Variants in PALLD observed in about 807,000 individuals in gnomAD.
The protein encoded by PALLD is palladin, cytoskeletal associated protein.
A neutral mutation model predicts 123.5 loss-of-function variants in PALLD; 61 were observed. That is an observed-to-expected ratio of 0.49 (90% CI 0.40 to 0.61). The LOEUF (loss-of-function observed/expected upper bound fraction) is 0.61. PALLD is among the 20% of genes least tolerant of loss of function. The probability of loss-of-function intolerance (pLI) is 0.00; values close to 1 mark genes in which losing one functional copy is unlikely to be tolerated. For synonymous variants in PALLD, 465 were observed against 496.4 expected (o/e 0.94, Z 0.84); for missense variants, 1,273 against 1,377.0 (o/e 0.92, Z 1.20).
At chr4:168,513,902 C>T (rs539701210) in intron 2 of PALLD, among the ~76,000 whole-genome samples, 29 of 152,032 alleles carry the variant, frequency 1.9e-4, no homozygotes, top group Admixed American at 3.9e-4. Context: ...GCCAGGAGTT[C>T]GAGACAAGCC....
At chr4:168,837,108 C>T (rs1441254228) in intron 10 of PALLD, among the ~76,000 whole-genome samples, 1 of 152,170 alleles carries the variant, frequency 6.6e-6, no homozygotes, top group African/African-American at 2.4e-5. Flanking sequence ...AGAGACCCCA[C>T]CCTGGACTGC....
At chr4:168,631,752 C>T in intron 2 of PALLD, 1 of 985,428 alleles carries the variant, frequency 1.0e-6, no homozygotes, top group Non-Finnish European at 1.2e-6. Context: ...TTTGGCAGCG[C>T]GGCTGCCAGT....
At chr4:168,819,259 C>G (rs1260362193) in intron 10 of PALLD, among the ~76,000 whole-genome samples, 1 of 151,798 alleles carries the variant, frequency 6.6e-6, no homozygotes, top group African/African-American at 2.4e-5. Context: ...TTAAAAATAG[C>G]AAGTGTAATT....
chr4:168,722,037 A>G (rs1462417913), intron 10 of PALLD, among the ~76,000 whole-genome samples: 1 of 152,138 alleles, frequency 6.6e-6, no homozygotes, highest in Non-Finnish European at 1.5e-5. Flanking sequence ...TAAGCTATTT[A>G]TGTATATATG....
chr4:168,554,056 C>T (rs1189892786), intron 2 of PALLD, among the ~76,000 whole-genome samples: 1 of 152,184 alleles, frequency 6.6e-6, no homozygotes, highest in African/African-American at 2.4e-5. Flanking sequence ...CTGAGGCCAG[C>T]GCAGTGCCTG....
intron 2 of PALLD, among the ~76,000 whole-genome samples, chr4:168,514,520 T>C (rs1762822565): frequency 6.6e-6 from 1 of 152,264 alleles, no homozygotes; most frequent in South Asian, 2.1e-4. Context: ...TATGTCGTTC[T>C]AAATTCTGCA....
intron 2 of PALLD, among the ~76,000 whole-genome samples, chr4:168,652,565 G>A (rs1453825300): frequency 1.3e-5 from 2 of 152,154 alleles, no homozygotes; most frequent in Non-Finnish European, 2.9e-5. Flanking sequence ...GAGGTTCTAC[G>A]TCAATGAAAT....
At chr4:168,712,346 G>A (rs1177393098) in intron 10 of PALLD, 9 of 239,302 alleles carry the variant, frequency 3.8e-5, no homozygotes, top group Admixed American at 2.0e-4. Context: ...ATAGACAAGC[G>A]GGGAAAGACT....
At chr4:168,807,183 T>G (rs1740334536) in intron 10 of PALLD, among the ~76,000 whole-genome samples, 1 of 151,924 alleles carries the variant, frequency 6.6e-6, no homozygotes, top group South Asian at 2.1e-4. Context: ...CAAATGGGCA[T>G]GGAATTTGCA....
intron 10 of PALLD, among the ~76,000 whole-genome samples, chr4:168,818,466 G>T (rs559523559): frequency 6.6e-6 from 1 of 152,044 alleles, no homozygotes; most frequent in Non-Finnish European, 1.5e-5. Flanking sequence ...CAGACGTGGC[G>T]GTGCACACCT....
intron 2 of PALLD, among the ~76,000 whole-genome samples, chr4:168,643,655 G>A (rs1453512971): frequency 1.3e-5 from 2 of 152,198 alleles, no homozygotes; most frequent in East Asian, 1.9e-4. Flanking sequence ...AAGCATTTGA[G>A]TGACAGCTCC....
chr4:168,771,871 G>C (rs559228826), intron 10 of PALLD, among the ~76,000 whole-genome samples: 1 of 152,168 alleles, frequency 6.6e-6, no homozygotes, highest in African/African-American at 2.4e-5. Flanking sequence ...GCGGCATGTC[G>C]TTGTCACTCA....
intron 11 of PALLD, among the ~76,000 whole-genome samples, chr4:168,891,746 A>G (rs188395252): frequency 1.3e-5 from 2 of 152,106 alleles, no homozygotes; most frequent in East Asian, 3.9e-4. Flanking sequence ...AGGGATGGAG[A>G]AGGTGCGCTT....
intron 10 of PALLD, among the ~76,000 whole-genome samples, chr4:168,751,384 C>T (rs1172744640): frequency 6.6e-6 from 1 of 152,126 alleles, no homozygotes; most frequent in African/African-American, 2.4e-5. Flanking sequence ...ATTATAAAAG[C>T]AATTAATTTT....
At chr4:168,526,132 CAACACACGCCTCAAG>C (rs1764021576) in intron 2 of PALLD, among the ~76,000 whole-genome samples, 1 of 152,144 alleles carries the variant, frequency 6.6e-6, no homozygotes, top group Admixed American at 6.5e-5. Flanking sequence ...GTTCAGCTTC[CAACACACGCCTCAAG>C]AACCATGGGT....
intron 10 of PALLD, among the ~76,000 whole-genome samples, chr4:168,786,384 T>C (rs1233857714): frequency 6.6e-6 from 1 of 152,032 alleles, no homozygotes; most frequent in East Asian, 1.9e-4. Context: ...CATAGAAATA[T>C]GTTTACCTGT....
At chr4:168,847,624 T>G (rs1747064888) in intron 10 of PALLD, among the ~76,000 whole-genome samples, 1 of 152,230 alleles carries the variant, frequency 6.6e-6, no homozygotes, top group Non-Finnish European at 1.5e-5. Context: ...TGTGGGAAAT[T>G]CTTTACATTT....
At chr4:168,699,590 G>A (rs1193268022) in intron 8 of PALLD, among the ~76,000 whole-genome samples, 4 of 151,158 alleles carry the variant, frequency 2.6e-5, no homozygotes, top group Non-Finnish European at 1.5e-5. Context: ...TATTACCCAG[G>A]GAACCCAGTA....
At chr4:168,632,053 A>G (rs1775874179) in intron 2 of PALLD, among the ~76,000 whole-genome samples, 1 of 151,118 alleles carries the variant, frequency 6.6e-6, no homozygotes. Context: ...CGGTTTTCCT[A>G]ATCCCTTCTT....
Sources: gnomAD v4.1 joint callset for allele counts (sites outside exome capture counted in the v4.1 genomes callset) on GRCh38, gnomAD v4.1.1 for gene constraint, MANE v1.5 for transcripts, NCBI Gene and HGNC (gene_info 2026-07-23, HGNC 2026-07-21) for gene names.